The following CRYBG1 variants were observed in gnomAD, a reference collection of about 807,000 sequenced individuals.
CRYBG1 encodes the protein crystallin beta-gamma domain containing 1.
In CRYBG1, 139 loss-of-function variants were observed where a neutral mutation model predicts 189.2. That is an observed-to-expected ratio of 0.73 (90% CI 0.64 to 0.85). CRYBG1 has a LOEUF of 0.85. Ranked by LOEUF, CRYBG1 falls within the 40% of genes least tolerant of loss-of-function variation. The probability of loss-of-function intolerance (pLI) is 0.00; values close to 1 mark genes in which losing one functional copy is unlikely to be tolerated. For synonymous variants in CRYBG1, 1,023 were observed against 1,017.1 expected (o/e 1.01, Z -0.11); for missense variants, 2,611 against 2,675.8 (o/e 0.98, Z 0.53).
intron 2 of CRYBG1, among the ~76,000 whole-genome samples, chr6:106,472,136 A>G (rs1043967614): frequency 6.6e-5 from 10 of 152,214 alleles, no homozygotes; most frequent in African/African-American, 2.4e-4. Context: ...TTATGTTTTT[A>G]ATCAGAAGTA....
At chr6:106,539,862 G>C (rs1306127058) in intron 9 of CRYBG1, among the ~76,000 whole-genome samples, 1 of 152,188 alleles carries the variant, frequency 6.6e-6, no homozygotes, top group Admixed American at 6.5e-5. Context: ...ACAGGACAAA[G>C]ATACATACAA....
intron 1 of CRYBG1, among the ~76,000 whole-genome samples, chr6:106,407,356 C>A (rs562069198): frequency 4.6e-5 from 7 of 151,830 alleles, no homozygotes; most frequent in African/African-American, 1.5e-4. Context: ...TATATATGCA[C>A]CCAATACAGG....
chr6:106,416,659 T>C (rs1771025865), intron 1 of CRYBG1, among the ~76,000 whole-genome samples: 1 of 152,240 alleles, frequency 6.6e-6, no homozygotes. Context: ...TGAATGAATG[T>C]TTATCTCACA....
intron 2 of CRYBG1, among the ~76,000 whole-genome samples, chr6:106,481,652 T>A (rs1772463980): frequency 6.6e-6 from 1 of 152,186 alleles, no homozygotes; most frequent in South Asian, 2.1e-4. Context: ...TCGGCAGGCT[T>A]CCTGTTGGGG....
intron 1 of CRYBG1, among the ~76,000 whole-genome samples, chr6:106,404,351 TG>T (rs2114359890): frequency 6.6e-6 from 1 of 152,362 alleles, no homozygotes; most frequent in East Asian, 1.9e-4. Context: ...CATTTCAGCA[TG>T]TAAACATTTC....
intron 1 of CRYBG1, among the ~76,000 whole-genome samples, chr6:106,423,544 G>A (rs1355808276): frequency 6.6e-6 from 1 of 151,970 alleles, no homozygotes; most frequent in Non-Finnish European, 1.5e-5. Flanking sequence ...GAGCTGCATT[G>A]AAGCACTAGA....
chr6:106,528,634 G>A (rs1439788171), intron 7 of CRYBG1, among the ~76,000 whole-genome samples: 1 of 152,124 alleles, frequency 6.6e-6, no homozygotes, highest in Non-Finnish European at 1.5e-5. Flanking sequence ...GGCAACTGGG[G>A]AAGGTATCAG....
chr6:106,376,118 T>A (rs959632330), intron 1 of CRYBG1, among the ~76,000 whole-genome samples: 5 of 152,212 alleles, frequency 3.3e-5, no homozygotes, highest in Non-Finnish European at 5.9e-5. Flanking sequence ...ACAACCTCAC[T>A]ATTTATGGAT....
chr6:106,390,910 A>G (rs561418841), intron 1 of CRYBG1, among the ~76,000 whole-genome samples: 52 of 152,292 alleles, frequency 3.4e-4, no homozygotes, highest in African/African-American at 1.3e-3. Context: ...GAACATAAGT[A>G]TGTACTCATT....
chr6:106,511,686 C>T lies in CRYBG1; in HGVS notation c.569C>T (p.Pro190Leu). 1 of 1,535,168 alleles carries T rather than the reference C, an allele frequency of 6.5e-7. No homozygotes were observed. The highest frequency in any genetic ancestry group is 2.4e-5 in the East Asian group (1 of 40,836). Residue 190 changes from proline (P) to leucine (L), a missense_variant, in exon 3 of 22, where the codon CCC becomes CTC. Around this residue, in one of 3 missense-constraint regions of CRYBG1, gnomAD observed 985 missense variants for 924.4 expected, o/e 1.07. Transcript: ENST00000633556. ...TSEEGSPREN[P>L]REAEGELPES... Reference sequence around the variant, plus strand: ...GAGGAGGGCTCCCCGCGGGAGAATCCCCGAGAGGCAGAGGGCGAGCTCCCC... The same window carrying T: ...GAGGAGGGCTCCCCGCGGGAGAATCTCCGAGAGGCAGAGGGCGAGCTCCCC...
At chr6:106,531,761 T>C (rs1009262477) in intron 8 of CRYBG1, among the ~76,000 whole-genome samples, 2 of 152,170 alleles carry the variant, frequency 1.3e-5, no homozygotes, top group East Asian at 1.9e-4. Context: ...TAGACACCAC[T>C]TGAGCCAAGA....
intron 1 of CRYBG1, among the ~76,000 whole-genome samples, chr6:106,387,716 G>T (rs759899457): frequency 1.3e-5 from 2 of 152,150 alleles, no homozygotes; most frequent in Non-Finnish European, 2.9e-5. Flanking sequence ...GTGGGGAGGG[G>T]TGTCTCTAGC....
At chr6:106,548,382 T>C (rs560903528) in intron 13 of CRYBG1, among the ~76,000 whole-genome samples, 1 of 152,230 alleles carries the variant, frequency 6.6e-6, no homozygotes, top group Non-Finnish European at 1.5e-5. Flanking sequence ...ATAAATTGTT[T>C]TCCAGCTTCA....
chr6:106,500,421 T>TAA (rs775702645), intron 2 of CRYBG1, among the ~76,000 whole-genome samples: 4 of 96,032 alleles, frequency 4.2e-5, no homozygotes, highest in East Asian at 2.8e-4. Context: ...TGTTGAGCAC[T>TAA]AAAAAAAAAA....
chr6:106,443,777 T>A (rs1336144349), intron 1 of CRYBG1, among the ~76,000 whole-genome samples: 1 of 152,214 alleles, frequency 6.6e-6, no homozygotes, highest in African/African-American at 2.4e-5. Flanking sequence ...CATGAGATAT[T>A]TTGATACAGG....
At chr6:106,375,802 G>A (rs1271654169) in intron 1 of CRYBG1, among the ~76,000 whole-genome samples, 1 of 152,190 alleles carries the variant, frequency 6.6e-6, no homozygotes, top group East Asian at 1.9e-4. Flanking sequence ...CCCTGTGGGT[G>A]TACATACCAA....
intron 3 of CRYBG1, among the ~76,000 whole-genome samples, chr6:106,517,155 C>T (rs372728174): frequency 4.3e-4 from 65 of 150,844 alleles, no homozygotes; most frequent in African/African-American, 1.4e-3. Flanking sequence ...ACTACAGGCA[C>T]GCACCACTTC....
rs1468487605 is a variant in CRYBG1 at position 106,511,859 on chromosome 6, G to GCCA, written c.750_752dup (p.Thr251dup). 2.0e-6 allele frequency: 3 copies of GCCA among 1,514,978 alleles called. No homozygotes were observed. The highest frequency in any genetic ancestry group is 1.4e-5 in the African/African-American group (1 of 72,486). The allele number at this position is 1,514,978 out of a possible 1,614,324, so 93.8% of individuals were successfully genotyped here. On this transcript the variant is annotated inframe_insertion, in exon 3 of 22. Coordinates refer to ENST00000633556, the MANE Select transcript of CRYBG1 (RefSeq NM_001371242.2). ...GGCAGAGGGAGAGCCTTTCCCAGAT[G>GCCA]CCACCACCACTGCCAAGCAGCTGCA...
chr6:106,511,273 T>A (rs1773251925), intron 2 of CRYBG1, among the ~76,000 whole-genome samples, 157 bp from the exon 3 acceptor site: 1 of 152,240 alleles, frequency 6.6e-6, no homozygotes, highest in African/African-American at 2.4e-5. Flanking sequence ...AACCAGAGTT[T>A]ATTTTGTTGG....
Sources: allele counts gnomAD v4.1 joint callset (sites outside exome capture counted in the v4.1 genomes callset), GRCh38; gene constraint gnomAD v4.1.1; regional missense constraint gnomAD v4.1.1; transcripts MANE v1.5; gene names NCBI Gene and HGNC (gene_info 2026-07-23, HGNC 2026-07-21).